The following PA2G4 variants were observed in gnomAD, a reference collection of about 807,000 sequenced individuals.
The protein encoded by PA2G4 is proliferation-associated protein 2G4.
A neutral mutation model predicts 53.3 loss-of-function variants in PA2G4; 8 were observed. The ratio of observed to expected loss-of-function variants is 0.15; its 90% CI spans 0.09 to 0.27. PA2G4 has a LOEUF of 0.27. Ranked by LOEUF, PA2G4 falls within the 10% of genes least tolerant of loss-of-function variation. The pLI is 1.00. For missense variants in PA2G4, 208 were observed against 486.8 expected, an observed-to-expected ratio of 0.43 and a Z score of 5.39; for synonymous variants, 143 against 169.8, an observed-to-expected ratio of 0.84 and a Z score of 1.23.
intron 7 of PA2G4, 62 bp downstream of exon 7, chr12:56,109,997 A>G (rs1315414283): frequency 3.5e-6 from 4 of 1,148,000 alleles, no homozygotes; most frequent in African/African-American, 1.5e-5. Context: ...GTTTTTTTCT[A>G]TACTCCCAAC....
intron 6 of PA2G4, 82 bp from the exon 7 acceptor site, chr12:56,109,775 C>T (rs532056430): frequency 4.1e-6 from 4 of 974,630 alleles, no homozygotes; most frequent in Non-Finnish European, 6.7e-6. Context: ...CTGCCTACCA[C>T]TTCAAACTAC....
intron 12 of PA2G4, 79 bp from the exon 13 acceptor site, chr12:56,112,744 T>A (rs1004919979): frequency 1.4e-5 from 14 of 987,018 alleles, no homozygotes; most frequent in African/African-American, 3.4e-5. Flanking sequence ...GAAAAAAAAA[T>A]ACTTTTATCT....
At chr12:56,105,915 C>T (rs956059438) in intron 1 of PA2G4, among the ~76,000 whole-genome samples, 1 of 152,166 alleles carries the variant, frequency 6.6e-6, no homozygotes, top group African/African-American at 2.4e-5. Context: ...TTCAAAGAAT[C>T]ACCAAAACTG....
At position 56,107,088 on chromosome 12, in the gene PA2G4, G is replaced by A. The variant is rs114268672; in HGVS notation, c.316G>A (p.Val106Ile). 303 of 1,612,402 alleles carry A rather than the reference G, an allele frequency of 1.9e-4. No individual in the cohort carries two copies. In the African/African-American group the frequency reaches 3.6e-3, roughly 19 times the overall value. The stretch of plus-strand genomic sequence containing the variant: ...TTATATTCTCAAGGAAGGTGACTTG[G>A]TAAAAATGTAAGGTTAAACCGTTTT... ...QDYILKEGDL[V>I]KIDLGVHVDG... is the part of the protein sequence containing the mutation. Residue 106 changes from valine (V) to isoleucine (I), a missense_variant, in exon 3 of 13, where the codon GTA (valine) becomes ATA (isoleucine). This residue lies in a region of PA2G4 where 143 missense variants were observed against 386.8 expected (regional missense o/e 0.37). Transcript: ENST00000303305.
chr12:56,106,418 C>A, intron 1 of PA2G4, 170 bp from the exon 2 acceptor site: 2 of 646,816 alleles, frequency 3.1e-6, no homozygotes, highest in Non-Finnish European at 4.8e-6. Context: ...TTGTATATAC[C>A]CAGTTGTCAC....
At chr12:56,105,406 GC>G (rs1432422083) in intron 1 of PA2G4, among the ~76,000 whole-genome samples, 1 of 152,154 alleles carries the variant, frequency 6.6e-6, no homozygotes, top group Non-Finnish European at 1.5e-5. Context: ...CCTGGTGGGG[GC>G]CCCCTTCTAC....
intron 1 of PA2G4, 137 bp from the exon 2 acceptor site, chr12:56,106,451 A>G (rs1869303396): frequency 1.1e-6 from 1 of 905,390 alleles, no homozygotes; most frequent in South Asian, 2.3e-5. Context: ...AGAGAAGGGA[A>G]TGTTGACCTT....
intron 3 of PA2G4, 28 bp from the exon 4 acceptor site, chr12:56,107,159 A>G: frequency 6.2e-7 from 1 of 1,606,396 alleles, no homozygotes; most frequent in Admixed American, 1.7e-5. Flanking sequence ...GCCAGTTCCT[A>G]ATGCAGTACT....
chr12:56,111,434 C>T (rs1377397066), intron 11 of PA2G4, 42 bp from the exon 12 acceptor site: 2 of 1,609,646 alleles, frequency 1.2e-6, no homozygotes, highest in Non-Finnish European at 1.7e-6. Context: ...TTAATTTCCT[C>T]CACATTTCTC....
At chr12:56,110,746 A>G (rs1869403265) in intron 9 of PA2G4, 54 bp downstream of exon 9, 1 of 1,606,268 alleles carries the variant, frequency 6.2e-7, no homozygotes, top group East Asian at 2.2e-5. Context: ...CCATACACCC[A>G]GGAACACTTT....
At chr12:56,107,341 C>T (rs1869322497) in intron 4 of PA2G4, 85 bp downstream of exon 4, 2 of 1,159,800 alleles carry the variant, frequency 1.7e-6, no homozygotes, top group African/African-American at 1.5e-5. Flanking sequence ...CCCCCAATCA[C>T]CACGTAAGTT....
At position 56,113,191 on chromosome 12, in the gene PA2G4, T is replaced by C. The variant is rs76825155; in HGVS notation, c.*303T>C. The C allele has an allele frequency of 6.4e-3, 1,561 of 245,104 alleles. 11 individuals are homozygous for C. Among genetic ancestry groups the C allele is most frequent in the Non-Finnish European group, 8.7e-3 (1,119 of 128,852 alleles). The allele number at this position is 245,104 out of a possible 1,614,324, so 15.2% of individuals were successfully genotyped here. A position where few individuals can be genotyped will look rare whatever the true frequency, so the allele number is the denominator to read the frequency against. On this transcript the variant is annotated 3_prime_UTR_variant, in exon 13 of 13. Coordinates refer to ENST00000303305, the MANE Select transcript of PA2G4 (RefSeq NM_006191.3). ...AGCCCCTCTTTCTAGCCTTTTCTAC[T>C]ACTCTCTGCTTGGTCAAGGTTTGTG...
Position 56,107,165 on chromosome 12 carries a change from GTACT to G in PA2G4, c.324-21_324-18del, listed in dbSNP as rs748788265. The G allele has an allele frequency of 6.2e-7, 1 of 1,608,304 alleles. No individual in the cohort carries two copies. Among genetic ancestry groups the G allele is most frequent in the Non-Finnish European group, 8.5e-7 (1 of 1,174,804 alleles). ...TTACAAAATGCCAGTTCCTAATGCAGTACTCTGATCTTGCCTTTCAGTGACCTTG... is the reference window on the plus strand; with the variant it reads ...TTACAAAATGCCAGTTCCTAATGCAGCTGATCTTGCCTTTCAGTGACCTTG... On this transcript the variant is annotated intron_variant, in intron 3 of 12. Transcript: ENST00000303305.
In PA2G4 at chr12:56,112,903, C is replaced by T. The variant is rs748674658; in HGVS notation, c.*15C>T. On this transcript the variant is annotated 3_prime_UTR_variant, in exon 13 of 13. Coordinates refer to ENST00000303305, the MANE Select transcript of PA2G4 (RefSeq NM_006191.3). ...CTGGGGACTGAGGTGGGTCCCATCT[C>T]CCCAGCTTGCTGCTCCTGCCTCATC... 9 of 1,509,434 alleles carry T rather than the reference C, an allele frequency of 6.0e-6. No individual in the cohort carries two copies. The highest frequency in any genetic ancestry group is 1.4e-5 in the African/African-American group (1 of 69,076). 93.5% of individuals were successfully genotyped at this position (1,509,434 alleles called of 1,614,324 possible).
intron 11 of PA2G4, 66 bp downstream of exon 11, chr12:56,111,375 C>G: frequency 6.2e-7 from 1 of 1,603,250 alleles, no homozygotes; most frequent in South Asian, 1.1e-5. Context: ...GGGCTAAATG[C>G]CAGCAAAGTC....
At chr12:56,107,862 CTACAAAAAA>C (rs918301519) in intron 5 of PA2G4, among the ~76,000 whole-genome samples, 5 of 151,942 alleles carry the variant, frequency 3.3e-5, no homozygotes, top group Admixed American at 2.6e-4. Flanking sequence ...AACCCCATTT[CTACAAAAAA>C]TACAAAAATT....
In PA2G4 at chr12:56,112,961, G is replaced by A. The variant is rs1217817312; in HGVS notation, c.*73G>A. Reference sequence around the variant, plus strand: ...CACCAAACCCCAGACTCTGTGAAGTGCAGTTCTTCTCCACCTAGGACCGCC... The same window carrying A: ...CACCAAACCCCAGACTCTGTGAAGTACAGTTCTTCTCCACCTAGGACCGCC... On this transcript the variant is annotated 3_prime_UTR_variant, in exon 13 of 13. Coordinates refer to ENST00000303305, the MANE Select transcript of PA2G4 (RefSeq NM_006191.3). The A allele has an allele frequency of 2.0e-5, 21 of 1,030,316 alleles. No individual in the cohort carries two copies. Among genetic ancestry groups the A allele is most frequent in the Middle Eastern group, 5.3e-4 (2 of 3,808 alleles). 63.8% of individuals were successfully genotyped at this position (1,030,316 alleles called of 1,614,324 possible).
chr12:56,112,964 G>T lies in PA2G4; in HGVS notation c.*76G>T. The T allele has an allele frequency of 1.0e-6, 1 of 996,626 alleles. No individual in the cohort carries two copies. The highest frequency in any genetic ancestry group is 1.5e-6 in the Non-Finnish European group (1 of 684,336). 61.7% of individuals were successfully genotyped at this position (996,626 alleles called of 1,614,324 possible). On this transcript the variant is annotated 3_prime_UTR_variant, in exon 13 of 13. Coordinates refer to ENST00000303305, the MANE Select transcript of PA2G4 (RefSeq NM_006191.3). ...CAAACCCCAGACTCTGTGAAGTGCA[G>T]TTCTTCTCCACCTAGGACCGCCAGC...
At chr12:56,112,567 G>A (rs1014116713) in intron 12 of PA2G4, among the ~76,000 whole-genome samples, 9 of 151,970 alleles carry the variant, frequency 5.9e-5, no homozygotes, top group Non-Finnish European at 1.0e-4. Context: ...AGATCAGCCC[G>A]GGCAACATGG....
Sources: gnomAD v4.1 joint callset for allele counts (sites outside exome capture counted in the v4.1 genomes callset) on GRCh38, gnomAD v4.1.1 for gene constraint, gnomAD v4.1.1 regional missense constraint, MANE v1.5 for transcripts, NCBI Gene and HGNC (gene_info 2026-07-23, HGNC 2026-07-21) for gene names.